CCDC34: variants seen among roughly 807,000 people sequenced by gnomAD.
The protein encoded by CCDC34 is coiled-coil domain-containing protein 34.
Under a neutral mutation model 44.1 loss-of-function variants are expected in CCDC34, and 40 were observed. The observed-to-expected ratio is 0.91, with a 90% CI of 0.70 to 1.18. The LOEUF is 1.18. CCDC34 is among the 50% of genes most tolerant of loss of function. CCDC34 has a pLI of 0.00. For missense variants in CCDC34, 466 were observed against 452.3 expected, an observed-to-expected ratio of 1.03 and a Z score of -0.28; for synonymous variants, 159 against 158.2, an observed-to-expected ratio of 1.01 and a Z score of -0.04.
In CCDC34 at chr11:27,340,737, G is replaced by A. The variant is rs574539845; in HGVS notation, c.866C>T (p.Pro289Leu). 3.7e-6 allele frequency: 6 copies of A among 1,613,652 alleles called. No homozygotes were observed. In the South Asian group the frequency reaches 4.4e-5, roughly 12 times the overall value. The change falls in exon 5 of 6, where the codon CCA becomes CTA. Residue 289 changes from proline (P) to leucine (L), a missense_variant. Coordinates refer to ENST00000328697, the MANE Select transcript of CCDC34 (RefSeq NM_030771.2). Reference sequence around the variant, plus strand: ...GGCATAACCATAGCTCTTTGCAGCTGGACGAGGTTTATGTTTCGCATTTTC... The same window carrying A: ...GGCATAACCATAGCTCTTTGCAGCTAGACGAGGTTTATGTTTCGCATTTTC... ...WLENAKHKPR[P>L]AAKSYGYANG...
At chr11:27,348,172 C>T (rs1297114280) in intron 3 of CCDC34, among the ~76,000 whole-genome samples, 1 of 152,032 alleles carries the variant, frequency 6.6e-6, no homozygotes, top group African/African-American at 2.4e-5. Flanking sequence ...CAATTGGCTA[C>T]TTAAAGTTTC....
chr11:27,348,729 A>C (rs1051296285), intron 3 of CCDC34: 4 of 549,956 alleles, frequency 7.3e-6, no homozygotes, highest in Admixed American at 6.4e-5. Flanking sequence ...GGAAGAGAAG[A>C]ACCAGGAGAG....
At chr11:27,356,696 T>G (rs1862580099) in intron 2 of CCDC34, among the ~76,000 whole-genome samples, 1 of 151,546 alleles carries the variant, frequency 6.6e-6, no homozygotes, top group Admixed American at 6.6e-5. Flanking sequence ...TGAAAATGCA[T>G]CTACAACTAT....
intron 2 of CCDC34, among the ~76,000 whole-genome samples, chr11:27,353,023 A>G (rs78520682): frequency 0.02 from 3,082 of 152,300 alleles, 49 homozygotes; most frequent in Middle Eastern, 0.048. Flanking sequence ...AGGCCCCTAC[A>G]TGGTCTTCTG....
At chr11:27,358,726 T>C (rs1862614823) in intron 1 of CCDC34, among the ~76,000 whole-genome samples, 1 of 152,136 alleles carries the variant, frequency 6.6e-6, no homozygotes, top group Non-Finnish European at 1.5e-5. Flanking sequence ...GGCCAGACCG[T>C]CATCTTGAGT....
At chr11:27,359,065 C>G (rs981226900) in intron 1 of CCDC34, among the ~76,000 whole-genome samples, 4 of 149,554 alleles carry the variant, frequency 2.7e-5, no homozygotes, top group Admixed American at 1.4e-4. Context: ...AACCTTACAA[C>G]CACCATCTGG....
At position 27,362,895 on chromosome 11, in the gene CCDC34, G is replaced by A. The variant is rs768061440; in HGVS notation, c.300C>T (p.Ala100=). The change falls in exon 1 of 6, where the codon GCC becomes GCT. Residue 100 remains alanine (A), a synonymous_variant. Coordinates refer to ENST00000328697, the MANE Select transcript of CCDC34 (RefSeq NM_030771.2). The stretch of plus-strand genomic sequence containing the variant: ...TCGCCACTTTGGCCTCTGAATCATG[G>A]GCATCTTCATCCACGTCTTCCTCAT... ...VDDEEDVDED[A]HDSEAKVASL... 7 of 1,613,894 alleles carry A rather than the reference G, an allele frequency of 4.3e-6. No homozygotes were observed. In the South Asian group the frequency reaches 7.7e-5, roughly 18 times the overall value.
At chr11:27,346,128 T>C (rs1289362394) in intron 3 of CCDC34, among the ~76,000 whole-genome samples, 1 of 152,158 alleles carries the variant, frequency 6.6e-6, no homozygotes, top group Non-Finnish European at 1.5e-5. Flanking sequence ...AAAAATACCA[T>C]TAATCAGTGC....
At chr11:27,342,578 G>A (rs1862377309) in intron 3 of CCDC34, among the ~76,000 whole-genome samples, 1 of 152,006 alleles carries the variant, frequency 6.6e-6, no homozygotes, top group African/African-American at 2.4e-5. Flanking sequence ...ACTAAGCACT[G>A]ACAATCACAT....
chr11:27,345,862 C>A (rs1230501451), intron 3 of CCDC34, among the ~76,000 whole-genome samples: 1 of 152,182 alleles, frequency 6.6e-6, no homozygotes, highest in African/African-American at 2.4e-5. Context: ...AATTGCCACA[C>A]TGACTTCCAC....
At position 27,350,408 on chromosome 11, in the gene CCDC34, T is replaced by C. The variant is rs1186398206; in HGVS notation, c.530A>G (p.Glu177Gly). Residue 177 changes from glutamate to glycine, a missense_variant, in exon 3 of 6, where the codon GAA (glutamate) becomes GGA (glycine). Coordinates refer to ENST00000328697, the MANE Select transcript of CCDC34 (RefSeq NM_030771.2). ...ELNQQLEKRK[E>G]MEEREKRKII... The stretch of plus-strand genomic sequence containing the variant: ...CTTTCTTTTTTCACGTTCTTCCATT[T>C]CTTTTCTTTTTTCTAGTTGTTGATT... 1 of 1,610,172 alleles carries C rather than the reference T, an allele frequency of 6.2e-7. No individual in the cohort carries two copies. Among genetic ancestry groups the C allele is most frequent in the South Asian group, 1.1e-5 (1 of 90,186 alleles).
In CCDC34 at chr11:27,341,440, C is replaced by T; in HGVS notation, c.717G>A (p.Trp239Ter). ...QEKAKEKYQE[W>*]LKKKNAEECE... ...ATTCTTCAGCATTTTTTTTCTTTAA[C>T]CATTCTTGATATTTTTCTTTTGCTT... is the stretch of plus-strand genomic sequence containing the variant. Residue 239 changes from tryptophan (W) to a stop codon, truncating the protein, a stop_gained, in exon 4 of 6, where the codon TGG (tryptophan) becomes TGA (stop). Transcript: ENST00000328697. LOFTEE classifies it high-confidence loss of function. The T allele has an allele frequency of 6.9e-7, 1 of 1,454,082 alleles. No individual in the cohort carries two copies. The highest frequency in any genetic ancestry group is 9.3e-7 in the Non-Finnish European group (1 of 1,078,404). The allele number at this position is 1,454,082 out of a possible 1,614,324, so 90.1% of individuals were successfully genotyped here.
intron 4 of CCDC34, among the ~76,000 whole-genome samples, chr11:27,341,111 G>A (rs975584383): frequency 1.8e-4 from 27 of 152,242 alleles, no homozygotes; most frequent in African/African-American, 6.0e-4. Context: ...ATGGCAGTAA[G>A]ACTTCCCATA....
At chr11:27,357,329 A>C in intron 2 of CCDC34, 74 bp downstream of exon 2, 1 of 1,432,170 alleles carries the variant, frequency 7.0e-7, no homozygotes, top group Non-Finnish European at 9.5e-7. Context: ...AATAACATTA[A>C]CATTTTAATT....
intron 1 of CCDC34, among the ~76,000 whole-genome samples, chr11:27,359,498 C>CT (rs544144130): frequency 1.7e-3 from 240 of 143,770 alleles, no homozygotes; most frequent in Non-Finnish European, 2.1e-3. Context: ...TTTTTTTTTT[C>CT]TTTTTTTTGA....
intron 1 of CCDC34, among the ~76,000 whole-genome samples, chr11:27,360,191 C>G (rs1243515798): frequency 6.6e-6 from 1 of 152,188 alleles, no homozygotes; most frequent in South Asian, 2.1e-4. Flanking sequence ...ATATTTATTA[C>G]AGCATGGTTT....
chr11:27,350,545 C>T (rs1240242499), intron 2 of CCDC34, 106 bp from the exon 3 acceptor site: 4 of 1,105,404 alleles, frequency 3.6e-6, no homozygotes, highest in Non-Finnish European at 5.0e-6. Flanking sequence ...AATATAGTTT[C>T]CTTTATGGAG....
chr11:27,351,582 TACTC>T (rs1314227479), intron 2 of CCDC34, among the ~76,000 whole-genome samples: 1 of 152,208 alleles, frequency 6.6e-6, no homozygotes, highest in South Asian at 2.1e-4. Flanking sequence ...TTTGATGACT[TACTC>T]AGTATACTTT....
chr11:27,349,495 A>C, intron 3 of CCDC34: 1 of 888,026 alleles, frequency 1.1e-6, no homozygotes, highest in South Asian at 5.2e-5. Flanking sequence ...ATAAAAAGTT[A>C]GAATTAAAAT....
Sources: allele counts gnomAD v4.1 joint callset (sites outside exome capture counted in the v4.1 genomes callset), GRCh38; gene constraint gnomAD v4.1.1; transcripts MANE v1.5; gene names NCBI Gene and HGNC (gene_info 2026-07-23, HGNC 2026-07-21).